Variants in PLCL1 observed in about 807,000 individuals in gnomAD.
PLCL1 encodes the protein phospholipase C like 1 (inactive), also known as inactive phospholipase C-like protein 1.
Under a neutral mutation model 84.4 loss-of-function variants are expected in PLCL1, and 41 were observed. The observed-to-expected ratio is 0.49, with a 90% CI of 0.38 to 0.63. The LOEUF (loss-of-function observed/expected upper bound fraction) is 0.63, where lower values mean the gene tolerates loss of function less well. Among genes scored for constraint, PLCL1 ranks in the 30% least tolerant of loss-of-function variants. The pLI is 0.00. For missense variants in PLCL1, 1,206 were observed against 1,367.8 expected, an observed-to-expected ratio of 0.88 and a Z score of 1.87; for synonymous variants, 490 against 488.3, an observed-to-expected ratio of 1.00 and a Z score of -0.05.
intron 1 of PLCL1, among the ~76,000 whole-genome samples, chr2:197,947,037 C>T (rs1226905720): frequency 1.3e-5 from 2 of 151,916 alleles, no homozygotes; most frequent in Admixed American, 1.3e-4. Context: ...TTCATTTACC[C>T]AGTAAATATT....
At chr2:198,082,549 G>A (rs1346976624) in intron 1 of PLCL1, among the ~76,000 whole-genome samples, 2 of 152,090 alleles carry the variant, frequency 1.3e-5, no homozygotes, top group Admixed American at 6.6e-5. Context: ...CATGCATTAC[G>A]ACTCTTTTGG....
chr2:198,111,966 G>A (rs1559109496), intron 5 of PLCL1, among the ~76,000 whole-genome samples: 1 of 151,888 alleles, frequency 6.6e-6, no homozygotes, highest in Non-Finnish European at 1.5e-5. Flanking sequence ...CCTACTGTCA[G>A]TAGTCAGTGG....
chr2:198,002,705 A>G lies in PLCL1; in HGVS notation c.241-81053A>G, dbSNP rs150897822. Among the ~76,000 whole-genome samples, 803 of 152,288 alleles carry G rather than the reference A, an allele frequency of 5.3e-3. 4 individuals carry two copies. The highest frequency in any genetic ancestry group is 9.1e-3 in the Non-Finnish European group (619 of 68,010). On this transcript the variant is annotated intron_variant, in intron 1 of 5. Coordinates refer to ENST00000428675, the MANE Select transcript of PLCL1 (RefSeq NM_006226.4). ...AGTGAAGCTTTAAAAAGGCCAGAAA[A>G]ATGTACAGGTGCCAGGCTGTGGGAT...
chr2:197,907,515 A>AT (rs894049531), intron 1 of PLCL1, among the ~76,000 whole-genome samples: 33 of 152,080 alleles, frequency 2.2e-4, no homozygotes, highest in African/African-American at 7.7e-4. Context: ...TTCCTCAGGG[A>AT]TAGTGAAAAG....
At chr2:197,983,200 C>CTTTTTTTCTTTTTTTTTTTTTTT (rs1690150482) in intron 1 of PLCL1, among the ~76,000 whole-genome samples, 2 of 60,256 alleles carry the variant, frequency 3.3e-5, no homozygotes, top group African/African-American at 1.3e-4. Flanking sequence ...CTTTTCTTTT[C>CTTTTTTTCTTTTTTTTTTTTTTT]TTTTTTTTTT....
intron 1 of PLCL1, among the ~76,000 whole-genome samples, chr2:198,049,219 G>C (rs149757285): frequency 1.2e-3 from 177 of 152,308 alleles, no homozygotes; most frequent in Non-Finnish European, 2.0e-3. Flanking sequence ...TGCAACTGAA[G>C]ACAAATCACA....
Position 198,103,810 on chromosome 2 carries a change from G to A in PLCL1, c.2996-17G>A. Reference sequence around the variant, plus strand: ...TGAGATATATACTCAGATTTCTTATGCATTCTTTCTTCAAAGGGATGGAGT... The same window carrying A: ...TGAGATATATACTCAGATTTCTTATACATTCTTTCTTCAAAGGGATGGAGT... On this transcript the variant is annotated splice_polypyrimidine_tract_variant and intron_variant, in intron 4 of 5. Transcript: ENST00000428675. 7.4e-7 allele frequency: 1 copy of A among 1,344,790 alleles called. No homozygotes were observed. The highest frequency in any genetic ancestry group is 1.1e-6 in the Non-Finnish European group (1 of 951,210). 83.3% of individuals were successfully genotyped at this position (1,344,790 alleles called of 1,614,324 possible).
chr2:198,120,473 T>C (rs763728842), intron 5 of PLCL1, among the ~76,000 whole-genome samples: 20 of 152,038 alleles, frequency 1.3e-4, no homozygotes, highest in Non-Finnish European at 2.5e-4. Context: ...CATTCCCCAC[T>C]ACCCTTCCCA....
intron 1 of PLCL1, among the ~76,000 whole-genome samples, chr2:197,954,396 T>G (rs1378397322): frequency 2.6e-5 from 4 of 152,094 alleles, no homozygotes; most frequent in African/African-American, 9.7e-5. Context: ...GAATAGAATT[T>G]AAAGACAGGA....
intron 1 of PLCL1, among the ~76,000 whole-genome samples, chr2:197,982,395 C>G (rs1204166008): frequency 6.6e-6 from 1 of 152,080 alleles, no homozygotes; most frequent in East Asian, 1.9e-4. Flanking sequence ...TAGGAATTTG[C>G]TGAAGAGTGG....
chr2:198,133,074 G>A (rs1223046416), intron 5 of PLCL1, among the ~76,000 whole-genome samples: 12 of 151,802 alleles, frequency 7.9e-5, no homozygotes, highest in African/African-American at 1.4e-4. Flanking sequence ...AGCACCATTT[G>A]TTAAATAGGG....
intron 5 of PLCL1, among the ~76,000 whole-genome samples, chr2:198,113,539 C>T (rs985983190): frequency 1.3e-5 from 2 of 151,764 alleles, no homozygotes; most frequent in Non-Finnish European, 1.5e-5. Context: ...TGAGAGTGTG[C>T]AATGGGATTT....
At chr2:197,892,475 G>A (rs1164415841) in intron 1 of PLCL1, among the ~76,000 whole-genome samples, 6 of 152,138 alleles carry the variant, frequency 3.9e-5, no homozygotes, top group South Asian at 2.1e-4. Context: ...GGGTAGCTGG[G>A]CTTTAAGTGG....
intron 1 of PLCL1, among the ~76,000 whole-genome samples, chr2:197,875,754 C>T (rs558340960): frequency 6.6e-6 from 1 of 151,930 alleles, no homozygotes; most frequent in South Asian, 2.1e-4. Flanking sequence ...AGAACTGCTA[C>T]CATTTGTTTT....
At chr2:198,040,387 G>A (rs1691630772) in intron 1 of PLCL1, among the ~76,000 whole-genome samples, 1 of 152,130 alleles carries the variant, frequency 6.6e-6, no homozygotes, top group Non-Finnish European at 1.5e-5. Flanking sequence ...GTCATGTGGT[G>A]TTGAGAGAAA....
At chr2:197,945,553 T>C (rs1574962505) in intron 1 of PLCL1, among the ~76,000 whole-genome samples, 3 of 152,282 alleles carry the variant, frequency 2.0e-5, no homozygotes, top group African/African-American at 2.4e-5. Context: ...CAGGATAACA[T>C]AGTGGTGAAG....
At chr2:197,845,710 C>T (rs955593784) in intron 1 of PLCL1, among the ~76,000 whole-genome samples, 5 of 152,080 alleles carry the variant, frequency 3.3e-5, no homozygotes, top group African/African-American at 7.2e-5. Flanking sequence ...ATATTTCCTA[C>T]GTATCTCCAG....
chr2:197,984,111 G>C (rs1690172575), intron 1 of PLCL1, among the ~76,000 whole-genome samples: 1 of 152,142 alleles, frequency 6.6e-6, no homozygotes, highest in Admixed American at 6.5e-5. Flanking sequence ...GTTTTGATTA[G>C]TCTGTGTAGT....
chr2:198,118,909 G>A (rs1693805895), intron 5 of PLCL1, among the ~76,000 whole-genome samples: 2 of 152,076 alleles, frequency 1.3e-5, no homozygotes, highest in Middle Eastern at 6.8e-3. Context: ...GTCTAATGTA[G>A]TGATTTTCCC....
Sources: gnomAD v4.1 joint callset for allele counts (sites outside exome capture counted in the v4.1 genomes callset) on GRCh38, gnomAD v4.1.1 for gene constraint, MANE v1.5 for transcripts, NCBI Gene and HGNC (gene_info 2026-07-23, HGNC 2026-07-21) for gene names.